SLC35D2: variants seen among roughly 807,000 people sequenced by gnomAD.
The protein encoded by SLC35D2 is solute carrier family 35 member D2.
A neutral mutation model predicts 41.8 loss-of-function variants in SLC35D2; 43 were observed. The observed-to-expected ratio is 1.03, with a 90% CI of 0.81 to 1.33. The LOEUF (loss-of-function observed/expected upper bound fraction) is 1.33. Among genes scored for constraint, SLC35D2 ranks in the 40% most tolerant of loss-of-function variants. SLC35D2 has a pLI of 0.00. For missense variants in SLC35D2, 380 were observed against 408.4 expected (o/e 0.93, Z 0.60); for synonymous variants, 150 against 163.9 (o/e 0.92, Z 0.65).
intron 8 of SLC35D2, among the ~76,000 whole-genome samples, chr9:96,343,142 T>C (rs1221687679): frequency 6.6e-6 from 1 of 152,212 alleles, no homozygotes; most frequent in Admixed American, 6.5e-5. Context: ...AAGTCCGGGC[T>C]TGCACCCTTC....
chr9:96,345,517 C>T (rs750888833), intron 6 of SLC35D2, 116 bp from the exon 7 acceptor site: 21 of 667,732 alleles, frequency 3.1e-5, no homozygotes, highest in Non-Finnish European at 5.6e-5. Flanking sequence ...ACACTTTCCC[C>T]GCTTTGTGGT....
chr9:96,350,079 G>C (rs771652988), intron 6 of SLC35D2, among the ~76,000 whole-genome samples: 1 of 152,148 alleles, frequency 6.6e-6, no homozygotes, highest in Non-Finnish European at 1.5e-5. Flanking sequence ...TCAGCCCCTG[G>C]CTAGGACTAG....
chr9:96,357,772 C>T (rs2130960045), intron 4 of SLC35D2, among the ~76,000 whole-genome samples: 1 of 152,114 alleles, frequency 6.6e-6, no homozygotes, highest in East Asian at 1.9e-4. Context: ...GGCACAGTGG[C>T]TCATTTCTGT....
At chr9:96,336,861 A>G in intron 8 of SLC35D2, 77 bp from the exon 9 acceptor site, 1 of 830,602 alleles carries the variant, frequency 1.2e-6, no homozygotes, top group Non-Finnish European at 1.9e-6. Context: ...ACCAAACTGC[A>G]TTTTGATACA....
In SLC35D2 at chr9:96,362,483, G is replaced by A. The variant is rs143234577; in HGVS notation, c.279+1981C>T. Among the ~76,000 whole-genome samples, 1,123 of 151,842 alleles carry A rather than the reference G, an allele frequency of 7.4e-3. 9 individuals carry two copies. The highest frequency in any genetic ancestry group is 0.011 in the Non-Finnish European group (777 of 67,992). On this transcript the variant is annotated intron_variant, in intron 3 of 11. Coordinates refer to ENST00000253270, the MANE Select transcript of SLC35D2 (RefSeq NM_007001.3). ...CATTGCACAATTGCACTCCAGCCTG[G>A]GCAATAAGAGCAAAACTCCATCTCA...
At chr9:96,356,249 C>T (rs1830016965) in intron 4 of SLC35D2, among the ~76,000 whole-genome samples, 1 of 152,234 alleles carries the variant, frequency 6.6e-6, no homozygotes, top group African/African-American at 2.4e-5. Context: ...GCACAGCCTG[C>T]AGAACTGTGA....
At chr9:96,380,983 A>C (rs1385501881) in intron 1 of SLC35D2, among the ~76,000 whole-genome samples, 1 of 152,042 alleles carries the variant, frequency 6.6e-6, no homozygotes, top group Non-Finnish European at 1.5e-5. Flanking sequence ...TCCCAAATCC[A>C]TCCCTTCCTT....
chr9:96,372,864 G>A (rs1220448487), intron 1 of SLC35D2, among the ~76,000 whole-genome samples: 1 of 150,150 alleles, frequency 6.7e-6, no homozygotes, highest in East Asian at 2.0e-4. Context: ...GGGATTACAG[G>A]CACTAGCAAC....
intron 10 of SLC35D2, among the ~76,000 whole-genome samples, chr9:96,323,457 T>TG (rs2130832092): frequency 6.6e-6 from 1 of 152,302 alleles, no homozygotes; most frequent in South Asian, 2.1e-4. Context: ...AACCAAATTA[T>TG]GGATCACAAG....
At chr9:96,330,581 G>T (rs1454426956) in intron 9 of SLC35D2, among the ~76,000 whole-genome samples, 1 of 152,132 alleles carries the variant, frequency 6.6e-6, no homozygotes, top group African/African-American at 2.4e-5. Flanking sequence ...CAGCTTTCAG[G>T]ATTTCAACAT....
At chr9:96,321,917 C>T in intron 11 of SLC35D2, 81 bp downstream of exon 11, 1 of 788,020 alleles carries the variant, frequency 1.3e-6, no homozygotes, top group Non-Finnish European at 2.1e-6. Flanking sequence ...CTTCTCCAGG[C>T]TCTTTTGCTT....
intron 9 of SLC35D2, among the ~76,000 whole-genome samples, chr9:96,334,917 A>G (rs2130875205): frequency 6.6e-6 from 1 of 152,350 alleles, no homozygotes; most frequent in South Asian, 2.1e-4. Flanking sequence ...ATAAAATATA[A>G]AATTGTTAAA....
At chr9:96,318,533 A>G (rs922784876), downstream of SLC35D2, among the ~76,000 whole-genome samples, 3 of 152,190 alleles carry the variant, frequency 2.0e-5, no homozygotes, top group Admixed American at 1.3e-4. Context: ...CTCAACAACA[A>G]TAAAACAAAC....
At chr9:96,370,215 AC>A (rs1185917129) in intron 1 of SLC35D2, among the ~76,000 whole-genome samples, 1 of 152,186 alleles carries the variant, frequency 6.6e-6, no homozygotes, top group Non-Finnish European at 1.5e-5. Flanking sequence ...CTTTGCTGTG[AC>A]TGCCTCAGAG....
chr9:96,351,033 T>G, intron 6 of SLC35D2, 70 bp downstream of exon 6: 1 of 1,160,984 alleles, frequency 8.6e-7, no homozygotes, highest in Admixed American at 1.8e-5. Flanking sequence ...AATGAAAAAC[T>G]GAGGATGGGG....
In SLC35D2 at chr9:96,348,372, G is replaced by A. The variant is rs78077141; in HGVS notation, c.488+2731C>T. 5.4e-3 allele frequency among the ~76,000 whole-genome samples: 816 copies of A among 152,260 alleles called. 12 individuals are homozygous for A. Among genetic ancestry groups the A allele is most frequent in the African/African-American group, 0.019 (777 of 41,558 alleles). On this transcript the variant is annotated intron_variant, in intron 6 of 11. Coordinates refer to ENST00000253270, the MANE Select transcript of SLC35D2 (RefSeq NM_007001.3). Reference sequence around the variant, plus strand: ...GCAAAGGAAGTGCCCTCTGAGGCAGGGATTCCATCAGCCTGGATCCCTGAG... The same window carrying A: ...GCAAAGGAAGTGCCCTCTGAGGCAGAGATTCCATCAGCCTGGATCCCTGAG...
downstream of SLC35D2, among the ~76,000 whole-genome samples, chr9:96,317,935 G>A (rs1828096000): frequency 9.3e-6 from 1 of 107,132 alleles, no homozygotes; most frequent in Non-Finnish European, 1.9e-5. Context: ...TGGGAGGGAG[G>A]CTGAGACACA....
intron 9 of SLC35D2, among the ~76,000 whole-genome samples, chr9:96,331,094 C>T (rs1294914461): frequency 6.6e-6 from 1 of 152,138 alleles, no homozygotes; most frequent in East Asian, 1.9e-4. Context: ...GACAGGGTTT[C>T]GCCATGTTGG....
At chr9:96,341,331 C>A (rs1351581258) in intron 8 of SLC35D2, among the ~76,000 whole-genome samples, 1 of 152,076 alleles carries the variant, frequency 6.6e-6, no homozygotes, top group Non-Finnish European at 1.5e-5. Flanking sequence ...TATGTTAGGT[C>A]TCTTGTACTT....
Sources: gnomAD v4.1 joint callset for allele counts (sites outside exome capture counted in the v4.1 genomes callset) on GRCh38, gnomAD v4.1.1 for gene constraint, MANE v1.5 for transcripts, NCBI Gene and HGNC (gene_info 2026-07-23, HGNC 2026-07-21) for gene names.